Variants in ACTL8 observed in about 807,000 individuals in gnomAD.
The protein encoded by ACTL8 is actin-like protein 8.
In ACTL8, 3 loss-of-function variants were observed where a neutral mutation model predicts 9.3. The observed-to-expected ratio is 0.32, with a 90% CI of 0.15 to 0.83. The LOEUF is 0.83. Among genes scored for constraint, ACTL8 ranks in the 40% least tolerant of loss-of-function variants. The pLI, the probability that ACTL8 is intolerant of heterozygous loss-of-function variation, is 0.57. For missense variants in ACTL8, 381 were observed against 492.2 expected (o/e 0.77, Z 2.14); for synonymous variants, 224 against 205.9 (o/e 1.09, Z -0.75).
chr1:17,807,646 G>T (rs985448915), intron 1 of ACTL8, among the ~76,000 whole-genome samples: 26 of 152,142 alleles, frequency 1.7e-4, no homozygotes, highest in African/African-American at 6.3e-4. Flanking sequence ...CATATACACT[G>T]TGGAATACTA....
At chr1:17,810,346 C>G (rs1182347107) in intron 1 of ACTL8, among the ~76,000 whole-genome samples, 2 of 152,174 alleles carry the variant, frequency 1.3e-5, no homozygotes, top group Non-Finnish European at 2.9e-5. Flanking sequence ...TTTTCTTGAT[C>G]TATTTGAAAG....
In ACTL8 at chr1:17,760,623, G is replaced by T. The variant is rs189422599; in HGVS notation, c.-25+5119G>T. 3.6e-3 allele frequency among the ~76,000 whole-genome samples: 542 copies of T among 152,280 alleles called. 5 individuals carry two copies. The highest frequency in any genetic ancestry group is 0.012 in the African/African-American group (513 of 41,568). On this transcript the variant is annotated intron_variant, in intron 1 of 2. Transcript: ENST00000375406. ...CAGGGGGGTGGCAAAGGGTCTTGGT[G>T]CCCTGCTTAGAGACAACTCTGGACC...
At chr1:17,811,184 TCTAGTGAC>T (rs1046543422) in intron 1 of ACTL8, among the ~76,000 whole-genome samples, 4 of 152,254 alleles carry the variant, frequency 2.6e-5, no homozygotes, top group African/African-American at 9.6e-5. Flanking sequence ...TTTGTTTTTC[TCTAGTGAC>T]TAATGACATT....
At chr1:17,800,966 A>G (rs1482937136) in intron 1 of ACTL8, among the ~76,000 whole-genome samples, 2 of 152,162 alleles carry the variant, frequency 1.3e-5, no homozygotes, top group East Asian at 1.9e-4. Flanking sequence ...AGGTTTTACT[A>G]TGTTGTGTTC....
intron 1 of ACTL8, among the ~76,000 whole-genome samples, chr1:17,757,150 GA>G (rs966385827): frequency 1.3e-5 from 2 of 151,938 alleles, no homozygotes; most frequent in African/African-American, 4.8e-5. Context: ...AATATAATAA[GA>G]ATTTGAAAAA....
At chr1:17,764,071 G>C (rs536557337) in intron 1 of ACTL8, among the ~76,000 whole-genome samples, 1 of 152,158 alleles carries the variant, frequency 6.6e-6, no homozygotes, top group Non-Finnish European at 1.5e-5. Context: ...AGCAGGGCTC[G>C]GGAAACCCCG....
At chr1:17,780,485 G>A (rs1414100703) in intron 1 of ACTL8, among the ~76,000 whole-genome samples, 1 of 152,190 alleles carries the variant, frequency 6.6e-6, no homozygotes, top group Admixed American at 6.5e-5. Context: ...AGGGATGGGG[G>A]CGTCATCTCT....
chr1:17,778,488 G>A (rs1373317396), intron 1 of ACTL8, among the ~76,000 whole-genome samples: 2 of 151,986 alleles, frequency 1.3e-5, no homozygotes, highest in African/African-American at 4.8e-5. Context: ...GCATGTTGTC[G>A]GGTGTGGCTC....
At chr1:17,777,005 T>TA (rs2066123382) in intron 1 of ACTL8, among the ~76,000 whole-genome samples, 1 of 101,700 alleles carries the variant, frequency 9.8e-6, no homozygotes, top group African/African-American at 3.9e-5. Flanking sequence ...TTTTTTTTTT[T>TA]AGAGATGGGG....
In ACTL8 at chr1:17,826,074, G is replaced by C. The variant is rs745438404; in HGVS notation, c.656G>C (p.Gly219Ala). The C allele has an allele frequency of 3.4e-5, 55 of 1,607,658 alleles. No homozygotes were observed. Among genetic ancestry groups the C allele is most frequent in the Non-Finnish European group, 3.9e-5 (46 of 1,179,922 alleles). Reference protein sequence around the residue: ...MNKCYVPQNLGEALDFRERQQ... With the variant: ...MNKCYVPQNLAEALDFRERQQ... ...AAGTGCTACGTGCCGCAGAATCTGG[G>C]GGAGGCCCTGGACTTTCGTGAGAGG... Residue 219 changes from glycine (G) to alanine (A), a missense_variant, in exon 3 of 3, where the codon GGG becomes GCG. This residue lies in a region of ACTL8 where 243 missense variants were observed against 276.2 expected (regional missense o/e 0.88). Transcript: ENST00000375406. This position sits in a 1 kb window ranked among gnomAD's most constrained non-coding sequence, Gnocchi z 4.5.
chr1:17,804,978 G>C (rs2066348426), intron 1 of ACTL8, among the ~76,000 whole-genome samples: 1 of 152,026 alleles, frequency 6.6e-6, no homozygotes, highest in Admixed American at 6.6e-5. Flanking sequence ...GGACAGACGG[G>C]ACCCACCTCC....
chr1:17,773,974 T>G (rs2066100352), intron 1 of ACTL8, among the ~76,000 whole-genome samples: 1 of 152,084 alleles, frequency 6.6e-6, no homozygotes, highest in South Asian at 2.1e-4. Flanking sequence ...CCAGAGGTGG[T>G]GGGGTGGGCA....
At chr1:17,772,673 G>A (rs1270912096) in intron 1 of ACTL8, among the ~76,000 whole-genome samples, 2 of 152,180 alleles carry the variant, frequency 1.3e-5, no homozygotes, top group African/African-American at 2.4e-5. Flanking sequence ...GAACGAGAGG[G>A]GAGCAGTGAT....
rs561768301 is a variant in ACTL8 at position 17,821,215 on chromosome 1, A to G, written c.-24-1770A>G. On this transcript the variant is annotated intron_variant, in intron 1 of 2. Coordinates refer to ENST00000375406, the MANE Select transcript of ACTL8 (RefSeq NM_030812.3). Reference sequence around the variant, plus strand: ...ATTTGTAAGTATTTTCTCCCAGTCTATGGCTTGTCTTTTCATTCTCTTTGT... The same window carrying G: ...ATTTGTAAGTATTTTCTCCCAGTCTGTGGCTTGTCTTTTCATTCTCTTTGT... Among the ~76,000 whole-genome samples the G allele has an allele frequency of 7.0e-4, 107 of 152,208 alleles. 1 individual carries two copies. Among genetic ancestry groups the G allele is most frequent in the African/African-American group, 2.4e-3 (98 of 41,532 alleles).
At chr1:17,795,014 T>C (rs181621594) in intron 1 of ACTL8, among the ~76,000 whole-genome samples, 10 of 152,204 alleles carry the variant, frequency 6.6e-5, no homozygotes, top group African/African-American at 2.4e-4. Flanking sequence ...AATCCCCAAA[T>C]GAGAGGCTTA....
chr1:17,799,646 T>G (rs1055845193), intron 1 of ACTL8, among the ~76,000 whole-genome samples: 2 of 152,186 alleles, frequency 1.3e-5, no homozygotes, highest in Non-Finnish European at 2.9e-5. Context: ...GCCTTCTGTC[T>G]TGTTTTTAGA....
chr1:17,806,646 T>C lies in ACTL8; in HGVS notation c.-24-16339T>C, dbSNP rs187199605. On this transcript the variant is annotated intron_variant, in intron 1 of 2. Transcript: ENST00000375406. ...CACATCCTCAGGATACAATGTCCGGTCACACCTTGTAGCCAGACAAAGCCC... is the reference window on the plus strand; with the variant it reads ...CACATCCTCAGGATACAATGTCCGGCCACACCTTGTAGCCAGACAAAGCCC... Among the ~76,000 whole-genome samples, 42 of 152,316 alleles carry C rather than the reference T, an allele frequency of 2.8e-4. No individual in the cohort carries two copies. In the East Asian group the frequency reaches 3.5e-3, roughly 13 times the overall value.
rs1434287256 is a variant in ACTL8, at chr1:17,767,870, G to A, written c.-25+12366G>A. Among the ~76,000 whole-genome samples the A allele has an allele frequency of 3.9e-5, 6 of 152,102 alleles. No homozygotes were observed. Among genetic ancestry groups the A allele is most frequent in the African/African-American group, 1.4e-4 (6 of 41,398 alleles). ...GCGTTACTCAAGCAGGTGGCAGTGT[G>A]GCTTTTCTCGAAAGCATGAGGCCCC... is the stretch of plus-strand genomic sequence containing the variant. On this transcript the variant is annotated intron_variant, in intron 1 of 2. Coordinates refer to ENST00000375406, the MANE Select transcript of ACTL8 (RefSeq NM_030812.3). The surrounding 1 kb of genome is among the most constrained non-coding windows in gnomAD (Gnocchi z 4.7).
intron 1 of ACTL8, among the ~76,000 whole-genome samples, chr1:17,815,255 G>T (rs781093182): frequency 1.3e-5 from 2 of 152,144 alleles, no homozygotes; most frequent in Non-Finnish European, 2.9e-5. Flanking sequence ...TACCGTTTCT[G>T]TTTCTCTTTC....
Sources: gnomAD v4.1 joint callset for allele counts (sites outside exome capture counted in the v4.1 genomes callset) on GRCh38, gnomAD v4.1.1 for gene constraint, gnomAD v4.1.1 regional missense constraint, Gnocchi (gnomAD v3.1) non-coding constraint, MANE v1.5 for transcripts, NCBI Gene and HGNC (gene_info 2026-07-23, HGNC 2026-07-21) for gene names.